Variants in PGR observed in about 807,000 individuals in gnomAD.
PGR encodes progesterone receptor.
In PGR, 25 loss-of-function variants were observed where a neutral mutation model predicts 76.1. The ratio of observed to expected loss-of-function variants is 0.33; its 90% CI spans 0.24 to 0.46. PGR has a LOEUF of 0.46. PGR is among the 20% of genes least tolerant of loss of function. The pLI is 1.00. For synonymous variants in PGR, 579 were observed against 535.0 expected, an observed-to-expected ratio of 1.08 and a Z score of -1.14; for missense variants, 1,172 against 1,225.3, an observed-to-expected ratio of 0.96 and a Z score of 0.65.
intron 3 of PGR, among the ~76,000 whole-genome samples, chr11:101,077,655 GA>G (rs1861171886): frequency 6.6e-6 from 1 of 152,054 alleles, no homozygotes; most frequent in Non-Finnish European, 1.5e-5. Context: ...TACAAACACA[GA>G]AAAATTTTAA....
chr11:101,086,938 A>G lies in PGR; in HGVS notation c.1906+4822T>C, dbSNP rs7121650. Among the ~76,000 whole-genome samples the G allele has an allele frequency of 8.0e-3, 1,214 of 152,304 alleles. 17 individuals carry two copies. The highest frequency in any genetic ancestry group is 0.028 in the African/African-American group (1,158 of 41,562). On this transcript the variant is annotated intron_variant, in intron 3 of 7. Transcript: ENST00000325455. ...ACATTGCTAAAAGAAATCACAGATGACACTAACACATGTAAAAACATTCCA... is the reference window on the plus strand; with the variant it reads ...ACATTGCTAAAAGAAATCACAGATGGCACTAACACATGTAAAAACATTCCA...
In PGR at chr11:101,127,926, G is replaced by A. The variant is rs757060169; in HGVS notation, c.1145C>T (p.Pro382Leu). 5.0e-6 allele frequency: 8 copies of A among 1,611,532 alleles called. No individual in the cohort carries two copies. The East Asian group carries it at 1.6e-4, about 32-fold the overall frequency. The change falls in exon 1 of 8, where the codon CCG becomes CTG. Residue 382 changes from proline (P) to leucine (L), a missense_variant. By Grantham distance (98) the Pro-to-Leu change is moderately conservative. Coordinates refer to ENST00000325455, the MANE Select transcript of PGR (RefSeq NM_000926.4). ...CTCCTCCTTTATCTTTAGAGCGGGCGGCTGGAAGTCGCTATAGAGAGGGTA... is the reference window on the plus strand; with the variant it reads ...CTCCTCCTTTATCTTTAGAGCGGGCAGCTGGAAGTCGCTATAGAGAGGGTA... The part of the protein sequence containing the change: ...DAYPLYSDFQ[P>L]PALKIKEEEE...
At position 101,080,713 on chromosome 11, in the gene PGR, G is replaced by A. The variant is rs145475672; in HGVS notation, c.1906+11047C>T. 4.3e-3 allele frequency among the ~76,000 whole-genome samples: 658 copies of A among 151,966 alleles called. 3 individuals are homozygous for A. The highest frequency in any genetic ancestry group is 0.015 in the African/African-American group (614 of 41,484). The stretch of plus-strand genomic sequence containing the variant: ...GGAAGTTCATTGTAATCAAAGACAA[G>A]GTTGAAAACCAACATAAACTTCTAA... On this transcript the variant is annotated intron_variant, in intron 3 of 7. Coordinates refer to ENST00000325455, the MANE Select transcript of PGR (RefSeq NM_000926.4).
intron 3 of PGR, among the ~76,000 whole-genome samples, chr11:101,086,112 C>A (rs946063927): frequency 1.3e-5 from 2 of 152,208 alleles, no homozygotes; most frequent in East Asian, 3.9e-4. Flanking sequence ...GCCAGTATCA[C>A]CCTGATACCA....
chr11:101,122,433 G>C (rs1414368493), intron 2 of PGR, among the ~76,000 whole-genome samples: 2 of 152,172 alleles, frequency 1.3e-5, no homozygotes, highest in Non-Finnish European at 2.9e-5. Flanking sequence ...TACTGGCAAA[G>C]ATAAGCCATT....
At chr11:101,057,826 G>A (rs577615) in intron 4 of PGR, among the ~76,000 whole-genome samples, 108,026 of 152,012 alleles carry the variant, frequency 0.71, 39,265 homozygotes, top group East Asian at 1. Context: ...GGGTCATGCT[G>A]ACTTAGAAGT....
At chr11:101,119,377 TGGA>T (rs1315009572) in intron 2 of PGR, among the ~76,000 whole-genome samples, 1 of 152,216 alleles carries the variant, frequency 6.6e-6, no homozygotes, top group Non-Finnish European at 1.5e-5. Flanking sequence ...AAAGATTCCC[TGGA>T]GTTACTTTGT....
intron 6 of PGR, among the ~76,000 whole-genome samples, chr11:101,047,423 C>T (rs532596971): frequency 3.0e-4 from 45 of 152,226 alleles, no homozygotes; most frequent in Non-Finnish European, 5.6e-4. Flanking sequence ...GCCGGTTCCA[C>T]GTAAATATCC....
intron 3 of PGR, among the ~76,000 whole-genome samples, chr11:101,074,513 A>T (rs1861056746): frequency 1.3e-5 from 2 of 152,206 alleles, no homozygotes; most frequent in South Asian, 4.1e-4. Flanking sequence ...AGCGTATTCA[A>T]ATAGGAAGAG....
At chr11:101,097,640 G>A (rs993183599) in intron 2 of PGR, among the ~76,000 whole-genome samples, 25 of 152,072 alleles carry the variant, frequency 1.6e-4, no homozygotes, top group Non-Finnish European at 2.9e-4. Context: ...ATAGTAAATA[G>A]TCACTTGCTT....
intron 3 of PGR, among the ~76,000 whole-genome samples, chr11:101,089,787 T>TATGAAA (rs1451881804): frequency 6.6e-6 from 1 of 151,818 alleles, no homozygotes; most frequent in African/African-American, 2.4e-5. Context: ...ATATAAAAGG[T>TATGAAA]ATGAAAATGC....
chr11:101,119,502 G>A (rs1398420639), intron 2 of PGR, among the ~76,000 whole-genome samples: 2 of 152,104 alleles, frequency 1.3e-5, no homozygotes, highest in Non-Finnish European at 2.9e-5. Flanking sequence ...GATCACAAAT[G>A]GTCATCTCGT....
intron 3 of PGR, among the ~76,000 whole-genome samples, chr11:101,074,951 T>G (rs949467827): frequency 6.6e-6 from 1 of 152,218 alleles, no homozygotes; most frequent in Non-Finnish European, 1.5e-5. Flanking sequence ...ATTGACTTTC[T>G]TCATAGAATT....
At chr11:101,049,811 T>C in intron 6 of PGR, 118 bp downstream of exon 6, 1 of 781,082 alleles carries the variant, frequency 1.3e-6, no homozygotes. Flanking sequence ...TATTTCTTCT[T>C]TATACTTATA....
At chr11:101,068,778 T>C (rs1325084129) in intron 3 of PGR, among the ~76,000 whole-genome samples, 1 of 152,054 alleles carries the variant, frequency 6.6e-6, no homozygotes, top group East Asian at 1.9e-4. Flanking sequence ...AAGGATTCCC[T>C]ATTTAATAAA....
intron 2 of PGR, among the ~76,000 whole-genome samples, chr11:101,098,794 A>C (rs963451958): frequency 6.6e-6 from 1 of 152,216 alleles, no homozygotes; most frequent in Non-Finnish European, 1.5e-5. Flanking sequence ...TATATGCATA[A>C]AAATGTAGAA....
rs1591441289 is a variant in PGR at position 101,129,193 on chromosome 11, G to A, written c.-123C>T. 3.4e-6 allele frequency: 1 copy of A among 290,994 alleles called. No homozygotes were observed. Among genetic ancestry groups the A allele is most frequent in the Non-Finnish European group, 5.4e-6 (1 of 183,588 alleles). The allele number at this position is 290,994 out of a possible 1,614,324, so 18.0% of individuals were successfully genotyped here. On this transcript the variant is annotated 5_prime_UTR_variant, in exon 1 of 8. Coordinates refer to ENST00000325455, the MANE Select transcript of PGR (RefSeq NM_000926.4). The stretch of plus-strand genomic sequence containing the variant: ...AGTGGGTGTTGAATGTGGCTGGACC[G>A]GAGGGATCTCCACCTCCTGGGTCGG...
At chr11:101,047,636 T>C (rs1859935675) in intron 6 of PGR, among the ~76,000 whole-genome samples, 1 of 152,136 alleles carries the variant, frequency 6.6e-6, no homozygotes, top group Non-Finnish European at 1.5e-5. Context: ...AAGAAGTCCC[T>C]GTAAAGATGT....
At position 101,127,769 on chromosome 11, in the gene PGR, G is replaced by T; in HGVS notation, c.1302C>A (p.Pro434=). ...PLPPRATPSR[P]GEAAVTAAPA... is the part of the protein sequence containing the mutation. ...GTGCGGCCGTCACCGCCGCTTCCCC[G>T]GGTCTGGATGGGGTCGCTCGCGGCG... is the stretch of plus-strand genomic sequence containing the variant. The change falls in exon 1 of 8, where the codon CCC becomes CCA. Residue 434 remains proline (P), a synonymous_variant. Coordinates refer to ENST00000325455, the MANE Select transcript of PGR (RefSeq NM_000926.4). 6.4e-7 allele frequency: 1 copy of T among 1,561,406 alleles called. No homozygotes were observed. The highest frequency in any genetic ancestry group is 8.6e-7 in the Non-Finnish European group (1 of 1,162,574).
Sources: gnomAD v4.1 joint callset for allele counts (sites outside exome capture counted in the v4.1 genomes callset) on GRCh38, gnomAD v4.1.1 for gene constraint, MANE v1.5 for transcripts, NCBI Gene and HGNC (gene_info 2026-07-23, HGNC 2026-07-21) for gene names.